Variants in GABRA3 observed in about 807,000 individuals in gnomAD.
GABRA3 encodes the protein gamma-aminobutyric acid receptor subunit alpha-3.
GABRA3 carries 10 observed loss-of-function variants against 30.1 expected under a neutral mutation model. The ratio of observed to expected loss-of-function variants is 0.33; its 90% confidence interval spans 0.20 to 0.56. GABRA3 has a LOEUF of 0.56. Among genes scored for constraint, GABRA3 ranks in the 20% least tolerant of loss-of-function variants. The pLI, the probability that GABRA3 is intolerant of heterozygous loss-of-function variation, is 0.89. For missense variants in GABRA3, 233 were observed against 392.0 expected (o/e 0.59, Z 3.42); for synonymous variants, 151 against 146.8 (o/e 1.03, Z -0.21).
chrX:152,293,354 T>C (rs916620032), intron 3 of GABRA3, among the ~76,000 whole-genome samples: 1 of 111,669 alleles, frequency 9.0e-6, no homozygotes, highest in Non-Finnish European at 1.9e-5. Flanking sequence ...GTCTGTTTTA[T>C]CATAGACTAG....
chrX:152,405,669 G>A (rs1041280605), intron 1 of GABRA3, among the ~76,000 whole-genome samples: 3 of 111,332 alleles, frequency 2.7e-5, no homozygotes, highest in Admixed American at 9.5e-5. Context: ...TTCCTGAGGC[G>A]CCTAATTCCT....
At position 152,188,118 on chromosome X, in the gene GABRA3, A is replaced by C. The variant is rs1003179633; in HGVS notation, c.1143+1612T>G. The stretch of plus-strand genomic sequence containing the variant: ...GGAAGAAGGAGGGAGAGGATCATTA[A>C]AAATAACTCATGAATACTAGGTTTA... On this transcript the variant is annotated intron_variant, in intron 9 of 9. Transcript: ENST00000370314. Among the ~76,000 whole-genome samples the C allele has an allele frequency of 6.3e-5, 7 of 111,405 alleles. No individual in the cohort carries two copies. In the South Asian group the frequency reaches 1.5e-3, roughly 24 times the overall value.
intron 9 of GABRA3, among the ~76,000 whole-genome samples, chrX:152,181,318 G>A (rs934752152): frequency 9.0e-6 from 1 of 111,367 alleles, no homozygotes; most frequent in African/African-American, 3.3e-5. Flanking sequence ...TTGCTTTCTT[G>A]ATTTCTTTTC....
chrX:152,418,281 G>C (rs1250270862), intron 1 of GABRA3, among the ~76,000 whole-genome samples: 1 of 111,305 alleles, frequency 9.0e-6, no homozygotes, highest in African/African-American at 3.3e-5. Flanking sequence ...ACTGTTGAAT[G>C]GGCCATGAAG....
intron 9 of GABRA3, among the ~76,000 whole-genome samples, chrX:152,188,307 A>G (rs1353138705): frequency 8.9e-6 from 1 of 111,877 alleles, no homozygotes; most frequent in Non-Finnish European, 1.9e-5. Flanking sequence ...TTAAGAAAAG[A>G]ACCCATTTAA....
At chrX:152,282,418 G>GA (rs1192875982) in intron 4 of GABRA3, among the ~76,000 whole-genome samples, 39 of 108,659 alleles carry the variant, frequency 3.6e-4, no homozygotes, top group South Asian at 2.0e-3. Context: ...TAGTAGCACA[G>GA]AAAAAAAAAC....
chrX:152,280,634 T>C (rs1939183120), intron 4 of GABRA3, among the ~76,000 whole-genome samples: 1 of 111,699 alleles, frequency 9.0e-6, no homozygotes, highest in South Asian at 3.8e-4. Context: ...AATGTCTTTT[T>C]CTGTGTTCTT....
At chrX:152,417,221 G>A (rs1360983985) in intron 1 of GABRA3, among the ~76,000 whole-genome samples, 1 of 88,164 alleles carries the variant, frequency 1.1e-5, no homozygotes, top group East Asian at 4.3e-4. Context: ...CGAAGGACAT[G>A]AACAGACACT....
intron 3 of GABRA3, among the ~76,000 whole-genome samples, chrX:152,338,833 T>C (rs144999143): frequency 3.1e-3 from 344 of 112,069 alleles, no homozygotes; most frequent in African/African-American, 0.011. Flanking sequence ...CCAAGATAAA[T>C]TGGCTGTAAA....
chrX:152,279,587 A>G (rs1014460168), intron 4 of GABRA3, among the ~76,000 whole-genome samples: 11 of 111,148 alleles, frequency 9.9e-5, no homozygotes, highest in Admixed American at 4.8e-4. Flanking sequence ...TTGACTTGGC[A>G]ATGCGGGCTT....
At chrX:152,388,638 T>C (rs1429288742) in intron 1 of GABRA3, among the ~76,000 whole-genome samples, 1 of 112,366 alleles carries the variant, frequency 8.9e-6, no homozygotes, top group Non-Finnish European at 1.9e-5. Flanking sequence ...ACCAATAATA[T>C]GAAGTCATTA....
intron 3 of GABRA3, among the ~76,000 whole-genome samples, chrX:152,285,371 G>A (rs1939274499): frequency 9.0e-6 from 1 of 111,643 alleles, no homozygotes; most frequent in Non-Finnish European, 1.9e-5. Flanking sequence ...TAATTTTTGG[G>A]GGGGTTAATT....
intron 3 of GABRA3, among the ~76,000 whole-genome samples, chrX:152,295,796 G>C (rs1026728095): frequency 8.9e-6 from 1 of 112,331 alleles, no homozygotes; most frequent in Non-Finnish European, 1.9e-5. Flanking sequence ...GCTGGGAGCT[G>C]CAGACTGGAG....
At position 152,352,303 on chromosome X, in the gene GABRA3, T is replaced by C. The variant is rs189821820; in HGVS notation, c.141-6601A>G. Reference sequence around the variant, plus strand: ...AAAATGGGGATAACAATAACCTACATTAGAAAACTTTTGAAATAAATAGGT... The same window carrying C: ...AAAATGGGGATAACAATAACCTACACTAGAAAACTTTTGAAATAAATAGGT... On this transcript the variant is annotated intron_variant, in intron 2 of 9. Transcript: ENST00000370314. 5.4e-5 allele frequency among the ~76,000 whole-genome samples: 6 copies of C among 112,086 alleles called. No homozygotes were observed. The East Asian group carries it at 1.4e-3, about 26-fold the overall frequency.
intron 4 of GABRA3, among the ~76,000 whole-genome samples, chrX:152,282,641 G>A (rs1178812606): frequency 9.0e-6 from 1 of 111,664 alleles, no homozygotes; most frequent in Non-Finnish European, 1.9e-5. Context: ...AAGAGACATA[G>A]ACAGAAAGTC....
At chrX:152,213,722 T>C (rs1937665223) in intron 6 of GABRA3, among the ~76,000 whole-genome samples, 2 of 111,481 alleles carry the variant, frequency 1.8e-5, no homozygotes, top group African/African-American at 6.5e-5. Context: ...GAATACAGGA[T>C]ATAAACCAAG....
chrX:152,284,592 CT>C, intron 4 of GABRA3, 75 bp downstream of exon 4: 1 of 685,330 alleles, frequency 1.5e-6, no homozygotes, highest in Non-Finnish European at 2.2e-6. Flanking sequence ...CTACAAGGCC[CT>C]GCCTTAGGAA....
At chrX:152,376,270 C>A (rs1928994793) in intron 1 of GABRA3, among the ~76,000 whole-genome samples, 1 of 110,776 alleles carries the variant, frequency 9.0e-6, no homozygotes, top group Non-Finnish European at 1.9e-5. Flanking sequence ...CCTTGCCCCA[C>A]TTCCCAAAAC....
intron 1 of GABRA3, among the ~76,000 whole-genome samples, chrX:152,415,161 T>C (rs1349970590): frequency 9.0e-6 from 1 of 111,039 alleles, no homozygotes; most frequent in Non-Finnish European, 1.9e-5. Flanking sequence ...CTATATACTT[T>C]AGTTAATAAA....
Sources: allele counts gnomAD v4.1 joint callset (sites outside exome capture counted in the v4.1 genomes callset), GRCh38; gene constraint gnomAD v4.1.1; transcripts MANE v1.5; gene names NCBI Gene and HGNC (gene_info 2026-07-23, HGNC 2026-07-21).